CHD4: variants seen among roughly 807,000 people sequenced by gnomAD.
CHD4 encodes chromodomain helicase DNA binding protein 4, also known as ATP-dependent chromatin remodeler CHD4.
Under a neutral mutation model 235.5 loss-of-function variants are expected in CHD4, and 35 were observed. The ratio of observed to expected loss-of-function variants is 0.15; its 90% CI spans 0.11 to 0.20. The LOEUF (loss-of-function observed/expected upper bound fraction) is 0.20, where lower values mean the gene tolerates loss of function less well. CHD4 is among the 10% of genes least tolerant of loss of function. The probability of loss-of-function intolerance (pLI) is 1.00; values close to 1 mark genes in which losing one functional copy is unlikely to be tolerated. For missense variants in CHD4, 1,329 were observed against 2,432.3 expected (o/e 0.55, Z 9.54); for synonymous variants, 900 against 850.2 (o/e 1.06, Z -1.02).
At chr12:6,581,949 C>G in intron 30 of CHD4, 135 bp from the exon 31 acceptor site, 1 of 1,186,136 alleles carries the variant, frequency 8.4e-7, no homozygotes, top group South Asian at 1.8e-5. Context: ...AATACAGGTG[C>G]CCGCCACCAC....
At position 6,581,914 on chromosome 12, in the gene CHD4, T is replaced by C. The variant is rs564833985; in HGVS notation, c.4516-100A>G. 8,099 of 1,385,630 alleles carry C rather than the reference T, an allele frequency of 5.8e-3. 26 individuals carry two copies. The highest frequency in any genetic ancestry group is 6.9e-3 in the Non-Finnish European group (7,168 of 1,037,368). 85.8% of individuals were successfully genotyped at this position (1,385,630 alleles called of 1,614,324 possible). A position where few individuals can be genotyped will look rare whatever the true frequency, so the allele number is the denominator to read the frequency against. On this transcript the variant is annotated intron_variant, in intron 30 of 39. Transcript: ENST00000544040. ...GCCTCCCGGGTTCAAGCAATTCTCC[T>C]GCCTCAGCCTTCTGAGTAGCTGGGA...
intron 37 of CHD4, among the ~76,000 whole-genome samples, chr12:6,576,638 GCT>G (rs1189844429): frequency 4.6e-5 from 7 of 151,956 alleles, no homozygotes. Context: ...GGTGAGTCTC[GCT>G]CTGTCGCCAG....
At position 6,606,462 on chromosome 12, in the gene CHD4, G is replaced by A; in HGVS notation, c.-78-11C>T. On this transcript the variant is annotated splice_polypyrimidine_tract_variant and intron_variant, in intron 1 of 39. Coordinates refer to ENST00000544040, the MANE Select transcript of CHD4 (RefSeq NM_001273.5). Reference sequence around the variant, plus strand: ...CACTGGCCCGAGTCACTGTGCGGGGGAGGGGGGAGAAACACAGAACAGTCA... The same window carrying A: ...CACTGGCCCGAGTCACTGTGCGGGGAAGGGGGGAGAAACACAGAACAGTCA... The A allele has an allele frequency of 4.4e-6, 3 of 686,270 alleles. No homozygotes were observed. Among genetic ancestry groups the A allele is most frequent in the South Asian group, 1.8e-5 (1 of 56,962 alleles). 42.5% of individuals were successfully genotyped at this position (686,270 alleles called of 1,614,324 possible).
rs781396205 is a variant in CHD4, at chr12:6,581,113, C to T, written c.4840G>A (p.Gly1614Arg). ...DEKVVVEPPE[G>R]EEKVEKAEVK... is the part of the protein sequence containing the mutation. Reference sequence around the variant, plus strand: ...TCTGCCTTTTCCACTTTCTCCTCTCCCTCAGGGGGTTCAACAACGACCTTT... The same window carrying T: ...TCTGCCTTTTCCACTTTCTCCTCTCTCTCAGGGGGTTCAACAACGACCTTT... Residue 1614 changes from glycine to arginine, a missense_variant, in exon 33 of 40, where the codon GGA (glycine) becomes AGA (arginine). By Grantham distance (125) the Gly-to-Arg change is moderately radical. Around this residue, in one of 26 missense-constraint regions of CHD4, gnomAD observed 219 missense variants for 219.3 expected, o/e 1.00. Coordinates refer to ENST00000544040, the MANE Select transcript of CHD4 (RefSeq NM_001273.5). 9.9e-6 allele frequency: 16 copies of T among 1,614,168 alleles called. No homozygotes were observed. In the South Asian group the frequency reaches 1.5e-4, roughly 16 times the overall value.
Position 6,577,953 on chromosome 12 carries a change from A to G in CHD4, c.5229-36T>C, listed in dbSNP as rs773900331. On this transcript the variant is annotated intron_variant, in intron 36 of 39. Transcript: ENST00000544040. ...AGTGCTCAGGAAAAACAAAACAAGG[A>G]AAGTAAGAACCTCAAACTAAAAGAC... is the stretch of plus-strand genomic sequence containing the variant. 6 of 1,612,788 alleles carry G rather than the reference A, an allele frequency of 3.7e-6. No homozygotes were observed. The African/African-American group carries it at 4.0e-5, about 11-fold the overall frequency.
At position 6,596,150 on chromosome 12, in the gene CHD4, G is replaced by A. The variant is rs1192277171; in HGVS notation, c.1893-13C>T. 2 of 1,610,402 alleles carry A rather than the reference G, an allele frequency of 1.2e-6. No homozygotes were observed. The highest frequency in any genetic ancestry group is 1.7e-5 in the Admixed American group (1 of 58,938). ...CTTCTTGTCCACACTGCAAGTCCAG[G>A]AGAGAAAACCCTCAGAGCCAGAAAA... On this transcript the variant is annotated splice_polypyrimidine_tract_variant and intron_variant, in intron 12 of 39. Transcript: ENST00000544040.
At chr12:6,577,979 C>T (rs374464573) in intron 36 of CHD4, 50 bp downstream of exon 36, 9 of 1,611,706 alleles carry the variant, frequency 5.6e-6, no homozygotes, top group Non-Finnish European at 7.6e-6. Context: ...ACTAAAAGAC[C>T]TTCAGAACCT....
At chr12:6,605,759 A>G (rs1391443574) in intron 2 of CHD4, among the ~76,000 whole-genome samples, 1 of 152,126 alleles carries the variant, frequency 6.6e-6, no homozygotes, top group Admixed American at 6.5e-5. Context: ...CGCGATTCAA[A>G]CTTCACACAG....
intron 37 of CHD4, among the ~76,000 whole-genome samples, chr12:6,576,692 G>A (rs1008757934): frequency 7.9e-5 from 12 of 151,876 alleles, no homozygotes; most frequent in Non-Finnish European, 1.3e-4. Flanking sequence ...TGCAACCTCC[G>A]CCTCCCGGGT....
At chr12:6,580,710 A>AAAAAAAAAAAAAAAC in intron 33 of CHD4, 1 of 195,856 alleles carries the variant, frequency 5.1e-6, no homozygotes. Flanking sequence ...CTTTGAAAAA[A>AAAAAAAAAAAAAAAC]AAAAAAAAAA....
At chr12:6,575,885 G>A (rs960857730) in intron 37 of CHD4, among the ~76,000 whole-genome samples, 9 of 152,060 alleles carry the variant, frequency 5.9e-5, no homozygotes, top group Admixed American at 5.9e-4. Flanking sequence ...GACATACTAA[G>A]CTTTGCTGGC....
chr12:6,576,918 A>G (rs1948080921), intron 37 of CHD4, among the ~76,000 whole-genome samples: 1 of 151,160 alleles, frequency 6.6e-6, no homozygotes, highest in Admixed American at 6.6e-5. Flanking sequence ...GATTATACTC[A>G]GCGTACGAGA....
At chr12:6,586,314 T>C (rs1186335915) in intron 25 of CHD4, among the ~76,000 whole-genome samples, 3 of 151,492 alleles carry the variant, frequency 2.0e-5, no homozygotes, top group East Asian at 1.9e-4. Context: ...GGCAGAAGAA[T>C]GGCATGAACC....
At chr12:6,577,689 G>C (rs968437602) in intron 37 of CHD4, 96 bp downstream of exon 37, 72 of 1,504,420 alleles carry the variant, frequency 4.8e-5, no homozygotes, top group South Asian at 1.8e-4. Flanking sequence ...AAGAAAGTGA[G>C]AACAGTGCGC....
intron 19 of CHD4, 61 bp downstream of exon 19, chr12:6,592,332 G>GA (rs1948415778): frequency 1.3e-6 from 2 of 1,521,640 alleles, no homozygotes; most frequent in South Asian, 2.7e-5. Flanking sequence ...GGAGGAATAG[G>GA]AAACACTCTG....
In CHD4 at chr12:6,581,751, T is replaced by C. The variant is rs774516204; in HGVS notation, c.4579A>G (p.Asn1527Asp). Residue 1527 changes from asparagine (N) to aspartate (D), a missense_variant, in exon 31 of 40, where the codon AAC (asparagine) becomes GAC (aspartate). Around this residue, in one of 26 missense-constraint regions of CHD4, gnomAD observed 219 missense variants for 219.3 expected, o/e 1.00. Transcript: ENST00000544040. ...SMPELAEVEE[N>D]KKMSQPGSPS... ...GACCCTGGCTGGGACATCTTCTTGT[T>C]TTCCTCCACCTCAGCCAGTTCAGGC... The C allele has an allele frequency of 1.3e-6, 2 of 1,598,302 alleles. No individual in the cohort carries two copies. The highest frequency in any genetic ancestry group is 1.1e-5 in the South Asian group (1 of 88,132).
chr12:6,592,961 C>CACAT, intron 17 of CHD4, 130 bp downstream of exon 17: 1 of 1,511,000 alleles, frequency 6.6e-7, no homozygotes, highest in Non-Finnish European at 8.9e-7. Flanking sequence ...CAAGGGCTGT[C>CACAT]ACATACAAGG....
chr12:6,600,844 A>T (rs1031474389), intron 7 of CHD4, 82 bp downstream of exon 7: 1 of 1,521,890 alleles, frequency 6.6e-7, no homozygotes, highest in East Asian at 2.3e-5. Context: ...CGTGCCTACT[A>T]TGAAGGACAG....
At chr12:6,605,027 C>T (rs1462134485) in intron 2 of CHD4, among the ~76,000 whole-genome samples, 1 of 152,192 alleles carries the variant, frequency 6.6e-6, no homozygotes, top group East Asian at 1.9e-4. Context: ...AAGGATGAAA[C>T]CAAGTTTCTC....
Sources: gnomAD v4.1 joint callset for allele counts (sites outside exome capture counted in the v4.1 genomes callset) on GRCh38, gnomAD v4.1.1 for gene constraint, gnomAD v4.1.1 regional missense constraint, MANE v1.5 for transcripts, NCBI Gene and HGNC (gene_info 2026-07-23, HGNC 2026-07-21) for gene names.